Variants in ASTN1 observed in about 807,000 individuals in gnomAD.
ASTN1 encodes astrotactin 1, also known as astrotactin-1.
ASTN1 carries 41 observed loss-of-function variants against 140.7 expected under a neutral mutation model. The observed-to-expected ratio is 0.29, with a 90% CI of 0.23 to 0.38. The LOEUF is 0.38. ASTN1 is among the 10% of genes least tolerant of loss of function. The pLI, the probability that ASTN1 is intolerant of heterozygous loss-of-function variation, is 1.00. For missense variants in ASTN1, 1,479 were observed against 1,678.8 expected (o/e 0.88, Z 2.08); for synonymous variants, 640 against 652.2 (o/e 0.98, Z 0.29).
chr1:177,102,769 CCA>C (rs1177083839), intron 1 of ASTN1, among the ~76,000 whole-genome samples: 6 of 152,146 alleles, frequency 3.9e-5, no homozygotes, highest in Non-Finnish European at 8.8e-5. Flanking sequence ...GGTTAGGTAT[CCA>C]CCTTCAATGT....
At chr1:177,011,945 C>A (rs1402197023) in intron 8 of ASTN1, among the ~76,000 whole-genome samples, 1 of 152,186 alleles carries the variant, frequency 6.6e-6, no homozygotes, top group African/African-American at 2.4e-5. Flanking sequence ...CTTGATACTT[C>A]ACTAAAGAAT....
chr1:176,937,050 C>T (rs1671480809), intron 14 of ASTN1, among the ~76,000 whole-genome samples: 1 of 152,188 alleles, frequency 6.6e-6, no homozygotes, highest in African/African-American at 2.4e-5. Flanking sequence ...CCAGATGAGT[C>T]TGAGGCCAGG....
At chr1:177,149,496 TATATATATAGTAA>T (rs1250677721) in intron 1 of ASTN1, among the ~76,000 whole-genome samples, 3 of 63,412 alleles carry the variant, frequency 4.7e-5, no homozygotes, top group Non-Finnish European at 7.6e-5. Context: ...ATATATATAG[TATATATATAGTAA>T]ATATATATAG....
At position 176,957,666 on chromosome 1, in the gene ASTN1, G is replaced by A; in HGVS notation, c.1887+12C>T. ...CTCAAACAGAAACTACTAGCTTGCAGGGCAGACCTACCACGCAACCAGTGG... is the reference window on the plus strand; with the variant it reads ...CTCAAACAGAAACTACTAGCTTGCAAGGCAGACCTACCACGCAACCAGTGG... On this transcript the variant is annotated intron_variant, in intron 11 of 22. Transcript: ENST00000361833. 1 of 1,613,674 alleles carries A rather than the reference G, an allele frequency of 6.2e-7. No individual in the cohort carries two copies. The highest frequency in any genetic ancestry group is 1.7e-4 in the Middle Eastern group (1 of 5,926).
intron 15 of ASTN1, chr1:176,936,008 A>G (rs1233030855): frequency 1.9e-6 from 1 of 523,746 alleles, no homozygotes; most frequent in Non-Finnish European, 3.5e-6. Context: ...GAAAAATTAT[A>G]CCTTCAATGG....
intron 2 of ASTN1, among the ~76,000 whole-genome samples, chr1:177,041,693 G>A (rs1453470702): frequency 2.0e-5 from 3 of 152,222 alleles, no homozygotes; most frequent in Non-Finnish European, 4.4e-5. Flanking sequence ...CAAACATTAA[G>A]GGAATTATTG....
chr1:177,074,214 A>G (rs1338846462), intron 1 of ASTN1, among the ~76,000 whole-genome samples: 1 of 152,150 alleles, frequency 6.6e-6, no homozygotes, highest in Non-Finnish European at 1.5e-5. Flanking sequence ...CAGGAAAATC[A>G]TCTCTCCTTT....
downstream of ASTN1, among the ~76,000 whole-genome samples, chr1:176,860,078 G>A (rs1288977418): frequency 1.3e-5 from 2 of 152,186 alleles, no homozygotes; most frequent in Non-Finnish European, 2.9e-5. Context: ...CAGCACAGTG[G>A]CCTTGAATTT....
intron 16 of ASTN1, among the ~76,000 whole-genome samples, chr1:176,914,291 G>C (rs781119457): frequency 2.0e-5 from 3 of 152,204 alleles, no homozygotes; most frequent in Non-Finnish European, 2.9e-5. Flanking sequence ...GGACTTTGGA[G>C]GAGAGAGGAC....
chr1:176,917,994 A>C (rs551735559), intron 16 of ASTN1, among the ~76,000 whole-genome samples: 1 of 152,250 alleles, frequency 6.6e-6, no homozygotes, highest in South Asian at 2.1e-4. Flanking sequence ...TTTTGCAGTT[A>C]TAGTACTTTA....
At chr1:177,130,989 T>A (rs1681912523) in intron 1 of ASTN1, among the ~76,000 whole-genome samples, 1 of 152,226 alleles carries the variant, frequency 6.6e-6, no homozygotes, top group Admixed American at 6.5e-5. Flanking sequence ...TTAAAGGACA[T>A]GACAAATTTC....
chr1:177,071,170 T>G (rs1175953229), intron 1 of ASTN1, among the ~76,000 whole-genome samples: 1 of 152,202 alleles, frequency 6.6e-6, no homozygotes, highest in African/African-American at 2.4e-5. Context: ...TAGATGTCTC[T>G]GATAAAACTC....
chr1:176,949,516 C>A (rs1018134557), intron 11 of ASTN1, among the ~76,000 whole-genome samples, 165 bp from the exon 12 acceptor site: 20 of 152,338 alleles, frequency 1.3e-4, no homozygotes, highest in Admixed American at 1.2e-3. Context: ...CTTTTAAAAA[C>A]AAGTGACCTT....
At chr1:176,896,564 C>T (rs1037149633) in intron 16 of ASTN1, among the ~76,000 whole-genome samples, 7 of 152,130 alleles carry the variant, frequency 4.6e-5, no homozygotes, top group African/African-American at 1.4e-4. Context: ...TTGGGCGGAG[C>T]GAGTGCGGGT....
At chr1:177,105,624 A>G (rs1222877028) in intron 1 of ASTN1, among the ~76,000 whole-genome samples, 1 of 151,732 alleles carries the variant, frequency 6.6e-6, no homozygotes, top group Non-Finnish European at 1.5e-5. Flanking sequence ...CTAGGCTGGA[A>G]GAGACAATAT....
intron 1 of ASTN1, among the ~76,000 whole-genome samples, chr1:177,150,365 A>T (rs1682972790): frequency 6.6e-6 from 1 of 152,178 alleles, no homozygotes; most frequent in African/African-American, 2.4e-5. Flanking sequence ...CTCAGCATTC[A>T]GTCTGGGGGT....
intron 17 of ASTN1, among the ~76,000 whole-genome samples, chr1:176,892,624 T>G (rs1432308300): frequency 1.3e-5 from 2 of 152,228 alleles, no homozygotes; most frequent in African/African-American, 4.8e-5. Context: ...CTTTATGATA[T>G]TCACAGATTA....
At chr1:176,912,725 A>G (rs1179374100) in intron 16 of ASTN1, among the ~76,000 whole-genome samples, 1 of 152,132 alleles carries the variant, frequency 6.6e-6, no homozygotes. Context: ...ACACAGGGGG[A>G]TGGTGGAATG....
At chr1:177,088,924 T>C (rs1679603985) in intron 1 of ASTN1, among the ~76,000 whole-genome samples, 1 of 152,134 alleles carries the variant, frequency 6.6e-6, no homozygotes, top group Non-Finnish European at 1.5e-5. Context: ...TTCCTTAAGG[T>C]TAATAACAGT....
Sources: gnomAD v4.1 joint callset for allele counts (sites outside exome capture counted in the v4.1 genomes callset) on GRCh38, gnomAD v4.1.1 for gene constraint, MANE v1.5 for transcripts, NCBI Gene and HGNC (gene_info 2026-07-23, HGNC 2026-07-21) for gene names.